The following CCDC141 variants were observed in gnomAD, a reference collection of about 807,000 sequenced individuals.
CCDC141 encodes the protein coiled-coil domain containing 141.
In CCDC141, 168 loss-of-function variants were observed where a neutral mutation model predicts 181.0. That is an observed-to-expected ratio of 0.93 (90% CI 0.82 to 1.05). CCDC141 has a LOEUF of 1.05. CCDC141 is among the 50% of genes least tolerant of loss of function. The pLI, the probability that CCDC141 is intolerant of heterozygous loss-of-function variation, is 0.00. For synonymous variants in CCDC141, 666 were observed against 642.3 expected (o/e 1.04, Z -0.56); for missense variants, 1,902 against 1,788.5 (o/e 1.06, Z -1.14).
At chr2:178,936,394 T>C (rs1275169192) in intron 6 of CCDC141, among the ~76,000 whole-genome samples, 1 of 152,150 alleles carries the variant, frequency 6.6e-6, no homozygotes. Context: ...TTTTTGAAGA[T>C]CAGGTGGTCA....
In CCDC141 at chr2:179,006,253, A is replaced by G. The variant is rs192332992; in HGVS notation, c.226-27578T>C. 2.6e-5 allele frequency among the ~76,000 whole-genome samples: 4 copies of G among 152,310 alleles called. 1 individual carries two copies. The East Asian group carries it at 7.7e-4, about 29-fold the overall frequency. ...AGATATCATTCAATTTGTTATTTTTATCTTAACATACACGGGGGTGGGGAG... is the reference window on the plus strand; with the variant it reads ...AGATATCATTCAATTTGTTATTTTTGTCTTAACATACACGGGGGTGGGGAG... On this transcript the variant is annotated intron_variant, in intron 2 of 23. Coordinates refer to ENST00000443758, the MANE Select transcript of CCDC141 (RefSeq NM_173648.4).
chr2:178,950,207 C>T (rs752878358), intron 5 of CCDC141, among the ~76,000 whole-genome samples: 21 of 152,206 alleles, frequency 1.4e-4, no homozygotes, highest in Non-Finnish European at 2.4e-4. Flanking sequence ...GACTTTTTGA[C>T]AGTCTCTCTG....
At chr2:178,864,001 T>A (rs545150206) in intron 17 of CCDC141, among the ~76,000 whole-genome samples, 1 of 152,040 alleles carries the variant, frequency 6.6e-6, no homozygotes, top group Non-Finnish European at 1.5e-5. Context: ...TCCCTATAAA[T>A]AGAATTCCTG....
At chr2:178,902,447 C>A (rs1320989492) in intron 8 of CCDC141, among the ~76,000 whole-genome samples, 1 of 152,020 alleles carries the variant, frequency 6.6e-6, no homozygotes, top group Admixed American at 6.6e-5. Context: ...TCAGAAATAA[C>A]ACCGCATATC....
intron 22 of CCDC141, among the ~76,000 whole-genome samples, chr2:178,839,581 CAAAAAAA>C (rs58096328): frequency 8.4e-5 from 5 of 59,524 alleles, no homozygotes; most frequent in African/African-American, 3.6e-4. Flanking sequence ...ACTTCGTCTC[CAAAAAAA>C]AAAAAAAAAA....
At chr2:178,999,688 C>T (rs2041895886) in intron 2 of CCDC141, among the ~76,000 whole-genome samples, 1 of 152,052 alleles carries the variant, frequency 6.6e-6, no homozygotes, top group Non-Finnish European at 1.5e-5. Context: ...TTTTGTGGTT[C>T]CCTGACACTC....
At chr2:179,001,048 A>G (rs768387668) in intron 2 of CCDC141, among the ~76,000 whole-genome samples, 6 of 152,144 alleles carry the variant, frequency 3.9e-5, no homozygotes, top group Non-Finnish European at 8.8e-5. Flanking sequence ...AGCACTGCAG[A>G]GCAGTGTTTC....
rs143743523 is a variant in CCDC141, at chr2:179,028,979, C to T, written c.225+18305G>A. 1.7e-3 allele frequency among the ~76,000 whole-genome samples: 261 copies of T among 152,298 alleles called. 1 individual carries two copies. Among genetic ancestry groups the T allele is most frequent in the African/African-American group, 5.8e-3 (239 of 41,554 alleles). ...CACAATCAAATCTAACTGTGTAGCC[C>T]GGTGGGTACTGCCATTCAGCCCCAG... On this transcript the variant is annotated intron_variant, in intron 2 of 23. Coordinates refer to ENST00000443758, the MANE Select transcript of CCDC141 (RefSeq NM_173648.4).
At chr2:178,828,618 G>C (rs1304525805), downstream of CCDC141, among the ~76,000 whole-genome samples, 1 of 152,136 alleles carries the variant, frequency 6.6e-6, no homozygotes, top group Admixed American at 6.6e-5. Context: ...AGCGGTTCTG[G>C]AGCAAATGGG....
chr2:178,932,703 A>G (rs1204997573), intron 6 of CCDC141, among the ~76,000 whole-genome samples: 1 of 152,136 alleles, frequency 6.6e-6, no homozygotes, highest in Non-Finnish European at 1.5e-5. Context: ...ATACACCCAC[A>G]TACGGTGTGA....
chr2:178,843,156 G>A (rs142682176), intron 22 of CCDC141, among the ~76,000 whole-genome samples: 10 of 152,274 alleles, frequency 6.6e-5, no homozygotes, highest in Non-Finnish European at 8.8e-5. Context: ...TTATGTATAC[G>A]CAATAGTTCC....
chr2:179,026,250 G>C (rs2042840770), intron 2 of CCDC141, among the ~76,000 whole-genome samples: 1 of 152,172 alleles, frequency 6.6e-6, no homozygotes, highest in Non-Finnish European at 1.5e-5. Flanking sequence ...AGGCCTAGGA[G>C]GAAAAAGTGG....
chr2:178,929,866 C>T (rs1485293907), intron 6 of CCDC141, among the ~76,000 whole-genome samples: 12 of 152,020 alleles, frequency 7.9e-5, no homozygotes, highest in Non-Finnish European at 1.6e-4. Flanking sequence ...TAAGGCCCCA[C>T]TCTAAAGCTG....
At position 178,836,933 on chromosome 2, in the gene CCDC141, T is replaced by A; in HGVS notation, c.4286A>T (p.Glu1429Val). The change falls in exon 23 of 24, where the codon GAA (glutamate) becomes GTA (valine). Residue 1429 changes from glutamate to valine, a missense_variant. By Grantham distance (121) the Glu-to-Val change is moderately radical (BLOSUM62 -2). Transcript: ENST00000443758. ...CTCTGGAAATCCTGTTACTTCAACT[T>A]CCAAAGTCACTGGAGAACCTTCCAT... ...TVMEGSPVTLEVEVTGFPEPT... is the reference protein window; with the variant it reads ...TVMEGSPVTLVVEVTGFPEPT... 6.2e-7 allele frequency: 1 copy of A among 1,613,446 alleles called. No homozygotes were observed. The highest frequency in any genetic ancestry group is 8.5e-7 in the Non-Finnish European group (1 of 1,179,792).
At chr2:178,861,579 T>C (rs1685621923) in intron 17 of CCDC141, among the ~76,000 whole-genome samples, 1 of 147,476 alleles carries the variant, frequency 6.8e-6, no homozygotes, top group South Asian at 2.1e-4. Flanking sequence ...GAGGTTGCAG[T>C]CAGCCAAGAT....
At chr2:178,840,370 C>T (rs1019683349) in intron 22 of CCDC141, among the ~76,000 whole-genome samples, 1 of 152,230 alleles carries the variant, frequency 6.6e-6, no homozygotes, top group South Asian at 2.1e-4. Flanking sequence ...ACCTATGACT[C>T]TCCACAGAAG....
At chr2:178,880,399 A>C (rs75472517) in intron 11 of CCDC141, among the ~76,000 whole-genome samples, 11,024 of 152,222 alleles carry the variant, frequency 0.072, 593 homozygotes, top group Admixed American at 0.16. Flanking sequence ...GGCTGCAAAA[A>C]GAAGGGGAGT....
rs185210182 is a variant in CCDC141 at position 178,916,249 on chromosome 2, T to C, written c.1092+2464A>G. On this transcript the variant is annotated intron_variant, in intron 7 of 23. Transcript: ENST00000443758. ...TTCATTATATAAACTGAACATAGCT[T>C]TTCACTAGTGTAAACAGAATTTTAT... Among the ~76,000 whole-genome samples, 238 of 152,294 alleles carry C rather than the reference T, an allele frequency of 1.6e-3. 1 individual carries two copies. The highest frequency in any genetic ancestry group is 5.3e-3 in the African/African-American group (222 of 41,554).
chr2:179,045,474 C>T (rs570626172), intron 2 of CCDC141, among the ~76,000 whole-genome samples: 25 of 152,118 alleles, frequency 1.6e-4, no homozygotes, highest in Admixed American at 6.5e-4. Context: ...AATAAACATA[C>T]GTGTGCATAT....
Sources: gnomAD v4.1 joint callset for allele counts (sites outside exome capture counted in the v4.1 genomes callset) on GRCh38, gnomAD v4.1.1 for gene constraint, MANE v1.5 for transcripts, NCBI Gene and HGNC (gene_info 2026-07-23, HGNC 2026-07-21) for gene names.